NBPF20: variants seen among roughly 807,000 people sequenced by gnomAD.
NBPF20 encodes the protein NBPF family member NBPF20.
Under a neutral mutation model 68.1 loss-of-function variants are expected in NBPF20, and 90 were observed. The ratio of observed to expected loss-of-function variants is 1.32; its 90% CI spans 1.11 to 1.58. NBPF20 has a LOEUF of 1.58. NBPF20 is among the 40% of genes most tolerant of loss of function. NBPF20 has a pLI of 0.00. For synonymous variants in NBPF20, 290 were observed against 228.1 expected, an observed-to-expected ratio of 1.27 and a Z score of -2.45; for missense variants, 816 against 601.2, an observed-to-expected ratio of 1.36 and a Z score of -3.74.
chr1:145,393,730 G>C, intron 9 of NBPF20, 154 bp downstream of exon 14: 6 of 1,506,328 alleles, frequency 4.0e-6, no homozygotes, highest in Middle Eastern at 2.3e-4. Context: ...ACCTAAACAT[G>C]TACTCTAATG....
exon 138 of NBPF20, chr1:145,291,698 G>A: frequency 1.2e-6 from 2 of 1,611,916 alleles, no homozygotes; most frequent in East Asian, 2.2e-5. Flanking sequence ...CATTGACGGA[G>A]TAGAATAACA....
upstream of NBPF20, among the ~76,000 whole-genome samples, chr1:145,410,251 T>C (rs587650643): frequency 1.4e-4 from 21 of 152,104 alleles, no homozygotes; most frequent in South Asian, 3.5e-3. Context: ...GTTGCACTGA[T>C]TGATCTCCCT....
chr1:145,424,531 G>A, the NBPF20 span, among the ~76,000 whole-genome samples: 22 of 152,214 alleles, frequency 1.4e-4, no homozygotes, highest in Admixed American at 1.0e-3. Flanking sequence ...TCATTCTTTC[G>A]GCAAAGAAAG....
In NBPF20 at chr1:145,393,744, A is replaced by G. The variant is rs1662063023; in HGVS notation, c.1043+140T>C. On this transcript the variant is annotated intron_variant, in intron 9 of 137. Transcript: ENST00000369373. ...AACCTAAACATGTACTCTAATGAGAACCAGAAAGCAATGTAGTAGGCATAA... is the reference window on the plus strand; with the variant it reads ...AACCTAAACATGTACTCTAATGAGAGCCAGAAAGCAATGTAGTAGGCATAA... 4 of 1,515,220 alleles carry G rather than the reference A, an allele frequency of 2.6e-6. No homozygotes were observed. In the Admixed American group the frequency reaches 6.7e-5, roughly 25 times the overall value. 93.9% of individuals were successfully genotyped at this position (1,515,220 alleles called of 1,614,324 possible). A position where few individuals can be genotyped will look rare whatever the true frequency, so the allele number is the denominator to read the frequency against.
At chr1:145,400,656 G>T in intron 5 of NBPF20, 62 bp from the exon 11 acceptor site, 2 of 1,562,908 alleles carry the variant, frequency 1.3e-6, no homozygotes, top group Non-Finnish European at 1.8e-6. Context: ...GGACCCCAGG[G>T]AGTCCTAGCT....
chr1:145,396,704 CT>C (rs1166379226), intron 7 of NBPF20, among the ~76,000 whole-genome samples: 5,691 of 140,852 alleles, frequency 0.04, 72 homozygotes, highest in African/African-American at 0.092. Context: ...ATTCAACATT[CT>C]TTTTTTTTTC....
chr1:145,393,596 A>G (rs1553662812), intron 9 of NBPF20: 3 of 655,254 alleles, frequency 4.6e-6, no homozygotes, highest in Admixed American at 2.8e-5. Context: ...CATGAAAAGC[A>G]TGTCCTCAAT....
upstream of NBPF20, among the ~76,000 whole-genome samples, chr1:145,410,455 C>T (rs1377553937): frequency 2.0e-5 from 3 of 149,910 alleles, 1 homozygote; most frequent in Non-Finnish European, 4.5e-5. Context: ...GCTAGGACTA[C>T]AGGCGCCCGC....
chr1:145,338,044 C>CAG (rs1239414488), intron 79 of NBPF20, among the ~76,000 whole-genome samples: 1 of 94,652 alleles, frequency 1.1e-5, no homozygotes, highest in East Asian at 3.9e-4. Context: ...CACACACACA[C>CAG]ACACACACAG....
chr1:145,400,193 T>C (rs1355729702), intron 6 of NBPF20, among the ~76,000 whole-genome samples, 196 bp downstream of exon 11: 1 of 152,082 alleles, frequency 6.6e-6, no homozygotes, highest in Non-Finnish European at 1.5e-5. Flanking sequence ...TTGCCTGGGG[T>C]TGAGTAACTT....
chr1:145,291,562 G>C (rs781977761), exon 138 of NBPF20: 3 of 1,612,016 alleles, frequency 1.9e-6, no homozygotes, highest in Non-Finnish European at 2.5e-6. Context: ...GGAACACCAG[G>C]TGGAGACTTG....
At chr1:145,292,486 A>G in exon 137 of NBPF20, 1 of 708,874 alleles carries the variant, frequency 1.4e-6, no homozygotes, top group Non-Finnish European at 2.5e-6. Context: ...CTTCTTTTCA[A>G]TTTCTGCAAT....
chr1:145,292,467 C>A, exon 137 of NBPF20: 2 of 713,868 alleles, frequency 2.8e-6, no homozygotes, highest in Non-Finnish European at 5.0e-6. Context: ...TTCTTTTCTT[C>A]CCCTTCCCCT....
At chr1:145,292,397 T>A (rs782036826) in exon 137 of NBPF20, 7 of 684,720 alleles carry the variant, frequency 1.0e-5, no homozygotes, top group Middle Eastern at 7.8e-4. Flanking sequence ...CATGGTGGGT[T>A]TTGATCTTCT....
At chr1:145,410,454 AC>A (rs1413193519), upstream of NBPF20, among the ~76,000 whole-genome samples, 10 of 149,468 alleles carry the variant, frequency 6.7e-5, no homozygotes, top group Non-Finnish European at 1.5e-4. Flanking sequence ...AGCTAGGACT[AC>A]AGGCGCCCGC....
chr1:145,406,634 G>T, upstream of NBPF20, among the ~76,000 whole-genome samples: 1 of 149,910 alleles, frequency 6.7e-6, no homozygotes, highest in South Asian at 2.1e-4. Flanking sequence ...TGCCAGGTGT[G>T]TAGTGATATC....
intron 9 of NBPF20, 46 bp downstream of exon 14, chr1:145,393,838 C>A: frequency 7.2e-7 from 1 of 1,381,864 alleles, no homozygotes; most frequent in South Asian, 1.2e-5. Flanking sequence ...CTTGGCATCT[C>A]CAGGTGTCAA....
intron 7 of NBPF20, among the ~76,000 whole-genome samples, chr1:145,398,124 T>A (rs1662350711): frequency 1.3e-5 from 2 of 151,888 alleles, no homozygotes; most frequent in East Asian, 3.9e-4. Context: ...CTCCACACAA[T>A]CATCATGGGA....
chr1:145,416,237 T>C, the NBPF20 span, among the ~76,000 whole-genome samples: 9 of 137,376 alleles, frequency 6.6e-5, no homozygotes, highest in African/African-American at 2.4e-4. Flanking sequence ...AAAATTCCTT[T>C]TCTTGTGCTC....
Sources: allele counts gnomAD v4.1 joint callset (sites outside exome capture counted in the v4.1 genomes callset), GRCh38; gene constraint gnomAD v4.1.1; transcripts MANE v1.5; gene names NCBI Gene and HGNC (gene_info 2026-07-23, HGNC 2026-07-21).